The following ADAMTS14 variants were observed in gnomAD, a reference collection of about 807,000 sequenced individuals.
ADAMTS14 encodes A disintegrin and metalloproteinase with thrombospondin motifs 14.
Under a neutral mutation model 128.6 loss-of-function variants are expected in ADAMTS14, and 100 were observed. The ratio of observed to expected loss-of-function variants is 0.78; its 90% CI spans 0.66 to 0.92. The LOEUF is 0.92. ADAMTS14 is among the 40% of genes least tolerant of loss of function. The pLI is 0.00. For missense variants in ADAMTS14, 1,562 were observed against 1,658.6 expected (o/e 0.94, Z 1.01); for synonymous variants, 665 against 653.8 (o/e 1.02, Z -0.26).
intron 13 of ADAMTS14, 98 bp downstream of exon 13, chr10:70,743,779 G>T: frequency 7.0e-7 from 1 of 1,428,996 alleles, no homozygotes; most frequent in Non-Finnish European, 9.2e-7. Context: ...TGCCTCACCG[G>T]CCCACTCGCA....
rs776500967 is a variant in ADAMTS14 at position 70,736,733 on chromosome 10, G to A, written c.1539G>A (p.Pro513=). 18 of 1,613,686 alleles carry A rather than the reference G, an allele frequency of 1.1e-5. No individual in the cohort carries two copies. In the South Asian group the frequency reaches 1.4e-4, roughly 13 times the overall value. ...TGTGGTGCAGCCATCCTGACAACCC[G>A]TACTTCTGCAAGACCAAGAAGGGGC... ...KQLWCSHPDN[P]YFCKTKKGPP... Residue 513 remains proline (P), a synonymous_variant, in exon 10 of 22, where the codon CCG becomes CCA. Coordinates refer to ENST00000373207, the MANE Select transcript of ADAMTS14 (RefSeq NM_080722.4).
At chr10:70,744,774 G>T (rs748126455) in intron 14 of ADAMTS14, among the ~76,000 whole-genome samples, 6 of 152,156 alleles carry the variant, frequency 3.9e-5, no homozygotes, top group Admixed American at 6.5e-5. Context: ...AAGGTTGGTG[G>T]CTCTGAGAAA....
chr10:70,731,170 G>A (rs184476949), intron 6 of ADAMTS14, among the ~76,000 whole-genome samples: 353 of 152,042 alleles, frequency 2.3e-3, no homozygotes, highest in Non-Finnish European at 3.0e-3. Context: ...AAGCCAGTGT[G>A]TACATGTACA....
At position 70,751,704 on chromosome 10, in the gene ADAMTS14, G is replaced by A. The variant is rs1031933843; in HGVS notation, c.2596+58G>A. 99 of 1,575,176 alleles carry A rather than the reference G, an allele frequency of 6.3e-5. 1 individual carries two copies. The highest frequency in any genetic ancestry group is 6.8e-5 in the Admixed American group (4 of 59,200). On this transcript the variant is annotated intron_variant, in intron 17 of 21. Transcript: ENST00000373207. ...GGGGCAGCCCAGGATCCCTTGAGAG[G>A]CAGGGGTGGGGGACTGATGTTGTCT...
chr10:70,722,926 A>G (rs1006643370), intron 4 of ADAMTS14, among the ~76,000 whole-genome samples: 1 of 152,232 alleles, frequency 6.6e-6, no homozygotes, highest in Non-Finnish European at 1.5e-5. Flanking sequence ...CCCACTCCCT[A>G]GATGTGGCCA....
intron 12 of ADAMTS14, 49 bp downstream of exon 12, chr10:70,741,211 G>A: frequency 6.3e-7 from 1 of 1,588,422 alleles, no homozygotes; most frequent in Non-Finnish European, 8.6e-7. Context: ...GGCATCTGCG[G>A]GGGCTGTGTG....
In ADAMTS14 at chr10:70,672,901, C is replaced by A; in HGVS notation, c.82+17C>A. On this transcript the variant is annotated intron_variant, in intron 1 of 21. Coordinates refer to ENST00000373207, the MANE Select transcript of ADAMTS14 (RefSeq NM_080722.4). ...GGACCCCAGGTGCGTGCGGGTTGGG[C>A]GCGCGGGGGCCCGTGGGGTCCGGGG... 1 of 1,454,342 alleles carries A rather than the reference C, an allele frequency of 6.9e-7. No homozygotes were observed. The highest frequency in any genetic ancestry group is 9.0e-7 in the Non-Finnish European group (1 of 1,111,100). 90.1% of individuals were successfully genotyped at this position (1,454,342 alleles called of 1,614,324 possible). A position where few individuals can be genotyped will look rare whatever the true frequency, so the allele number is the denominator to read the frequency against.
chr10:70,733,915 T>C lies in ADAMTS14; in HGVS notation c.1239T>C (p.Asn413=), dbSNP rs1332260515. ...VLGMEHDGQG[N]GCADETSLGS... ...GCATGGAGCATGACGGTCAGGGGAA[T>C]GGCTGTGCAGATGAGACCAGCCTGG... Residue 413 remains asparagine, a synonymous_variant, in exon 8 of 22, where the codon AAT becomes AAC. Coordinates refer to ENST00000373207, the MANE Select transcript of ADAMTS14 (RefSeq NM_080722.4). 1 of 1,613,698 alleles carries C rather than the reference T, an allele frequency of 6.2e-7. No individual in the cohort carries two copies. Among genetic ancestry groups the C allele is most frequent in the Admixed American group, 1.7e-5 (1 of 59,986 alleles).
chr10:70,753,762 C>T (rs1242257643), intron 18 of ADAMTS14, 38 bp from the exon 19 acceptor site: 1 of 1,511,826 alleles, frequency 6.6e-7, no homozygotes, highest in Non-Finnish European at 8.9e-7. Context: ...TGAAGTGCCC[C>T]CTTGGTCTCA....
At chr10:70,715,186 G>A (rs4747087) in intron 4 of ADAMTS14, among the ~76,000 whole-genome samples, 10,046 of 152,202 alleles carry the variant, frequency 0.066, 440 homozygotes, top group East Asian at 0.17. Flanking sequence ...TTTCCCAGAT[G>A]CTGCTGCTTT....
At chr10:70,733,206 G>T (rs1841706385) in intron 7 of ADAMTS14, among the ~76,000 whole-genome samples, 2 of 152,206 alleles carry the variant, frequency 1.3e-5, no homozygotes, top group South Asian at 4.1e-4. Context: ...CAAGCTTATA[G>T]GCCTGTGTAT....
intron 16 of ADAMTS14, among the ~76,000 whole-genome samples, chr10:70,751,111 C>T (rs1054273683): frequency 6.6e-5 from 10 of 152,160 alleles, no homozygotes; most frequent in African/African-American, 9.7e-5. Flanking sequence ...GGTCAGTATC[C>T]GAACCATTCT....
chr10:70,697,921 C>A (rs189985015), intron 2 of ADAMTS14, among the ~76,000 whole-genome samples: 59 of 152,320 alleles, frequency 3.9e-4, no homozygotes, highest in Admixed American at 1.7e-3. Context: ...CATCTTCCAC[C>A]CTCACCATCA....
intron 2 of ADAMTS14, among the ~76,000 whole-genome samples, chr10:70,685,782 GAATGATT>G (rs1839934691): frequency 6.6e-6 from 1 of 152,216 alleles, no homozygotes; most frequent in African/African-American, 2.4e-5. Flanking sequence ...AACAGCTTCA[GAATGATT>G]AATGCTAAAA....
Position 70,760,360 on chromosome 10 carries a change from C to A in ADAMTS14, c.3179C>A (p.Thr1060Lys). 6.4e-7 allele frequency: 1 copy of A among 1,555,778 alleles called. No individual in the cohort carries two copies. The stretch of plus-strand genomic sequence containing the variant: ...CCTTGTCCTTGTGCTGTGTGTGCAG[C>A]GGAGCCCTGCACGGGAGACAGGTCT... ...PLHPINKISS[T>K]EPCTGDRSVF... Residue 1060 changes from threonine to lysine, a missense_variant and splice_region_variant, in exon 22 of 22, where the codon ACG becomes AAG. By Grantham distance (78) the Thr-to-Lys change is moderately conservative. Coordinates refer to ENST00000373207, the MANE Select transcript of ADAMTS14 (RefSeq NM_080722.4).
chr10:70,736,854 A>T (rs1165266107), intron 10 of ADAMTS14, 61 bp downstream of exon 10: 1 of 1,459,824 alleles, frequency 6.9e-7, no homozygotes, highest in African/African-American at 1.4e-5. Context: ...CATCACTGGC[A>T]TGGGGGTGGA....
chr10:70,738,920 A>G lies in ADAMTS14; in HGVS notation c.1678A>G (p.Lys560Glu). The G allele has an allele frequency of 6.2e-7, 1 of 1,614,070 alleles. No homozygotes were observed. The highest frequency in any genetic ancestry group is 1.1e-5 in the South Asian group (1 of 91,076). ...GQDGGWSSWT[K>E]FGSCSRSCGG... is the part of the protein sequence containing the mutation. ...GGATGGAGGCTGGAGCTCCTGGACC[A>G]AGTTTGGGTCATGTTCGCGGTCATG... Residue 560 changes from lysine to glutamate, a missense_variant, in exon 11 of 22, where the codon AAG becomes GAG. By Grantham distance (56) the Lys-to-Glu change is moderately conservative. Transcript: ENST00000373207.
chr10:70,738,886 A>T lies in ADAMTS14; in HGVS notation c.1644A>T (p.Thr548=). ...GCATCTGGAAGTCGCCGGAGCAGAC[A>T]TATGGCCAGGATGGAGGCTGGAGCT... ...GHCIWKSPEQ[T]YGQDGGWSSW... Residue 548 remains threonine, a synonymous_variant, in exon 11 of 22, where the codon ACA becomes ACT. Coordinates refer to ENST00000373207, the MANE Select transcript of ADAMTS14 (RefSeq NM_080722.4). 6.2e-7 allele frequency: 1 copy of T among 1,614,130 alleles called. No individual in the cohort carries two copies. The highest frequency in any genetic ancestry group is 8.5e-7 in the Non-Finnish European group (1 of 1,180,006).
At position 70,760,762 on chromosome 10, in the gene ADAMTS14, C is replaced by T. The variant is rs1324515254; in HGVS notation, c.3581C>T (p.Thr1194Ile). The change falls in exon 22 of 22, where the codon ACA (threonine) becomes ATA (isoleucine). Residue 1194 changes from threonine (T) to isoleucine (I), a missense_variant. Thr to Ile is a moderately conservative substitution (Grantham distance 89). Coordinates refer to ENST00000373207, the MANE Select transcript of ADAMTS14 (RefSeq NM_080722.4). ...GGGCTGCCTTGGGGCTGGACTCAGA[C>T]ACCTACGCCAGTCCCTGAGGACAAA... ...PGGLPWGWTQ[T>I]PTPVPEDKGQ... 9 of 1,613,298 alleles carry T rather than the reference C, an allele frequency of 5.6e-6. No individual in the cohort carries two copies. Among genetic ancestry groups the T allele is most frequent in the Non-Finnish European group, 7.6e-6 (9 of 1,179,674 alleles).
Sources: gnomAD v4.1 joint callset for allele counts (sites outside exome capture counted in the v4.1 genomes callset) on GRCh38, gnomAD v4.1.1 for gene constraint, MANE v1.5 for transcripts, NCBI Gene and HGNC (gene_info 2026-07-23, HGNC 2026-07-21) for gene names.